KLHL26: variants seen among roughly 807,000 people sequenced by gnomAD.
The protein encoded by KLHL26 is kelch like family member 26.
In KLHL26, 4 loss-of-function variants were observed where a neutral mutation model predicts 7.1. That is an observed-to-expected ratio of 0.56 (90% CI 0.28 to 1.28). The LOEUF (loss-of-function observed/expected upper bound fraction) is 1.28. KLHL26 is among the 50% of genes most tolerant of loss of function. The pLI, the probability that KLHL26 is intolerant of heterozygous loss-of-function variation, is 0.11. For missense variants in KLHL26, 896 were observed against 924.6 expected, an observed-to-expected ratio of 0.97 and a Z score of 0.40; for synonymous variants, 465 against 414.1, an observed-to-expected ratio of 1.12 and a Z score of -1.49.
intron 1 of KLHL26, among the ~76,000 whole-genome samples, chr19:18,641,049 C>T (rs1339348667): frequency 6.6e-6 from 1 of 152,014 alleles, no homozygotes; most frequent in Admixed American, 6.6e-5. Context: ...GATGAGGTCT[C>T]ACTCTGTCGC....
chr19:18,667,629 C>T (rs1251166216), intron 2 of KLHL26, 35 bp from the exon 3 acceptor site: 2 of 1,579,826 alleles, frequency 1.3e-6, no homozygotes, highest in African/African-American at 2.7e-5. Context: ...ACCCCTCAGC[C>T]ACTGCCAGCC....
rs76550802 is a variant in KLHL26 at position 18,660,618 on chromosome 19, C to T, written c.84-3643C>T. Among the ~76,000 whole-genome samples the T allele has an allele frequency of 2.0e-5, 3 of 152,332 alleles. No homozygotes were observed. In the East Asian group the frequency reaches 5.8e-4, roughly 29 times the overall value. Reference sequence around the variant, plus strand: ...GGACCTTAGTCATCAGCCCTGGCCCCGGCCCTCCCTCCTCCGCCTGCCCAC... The same window carrying T: ...GGACCTTAGTCATCAGCCCTGGCCCTGGCCCTCCCTCCTCCGCCTGCCCAC... On this transcript the variant is annotated intron_variant, in intron 1 of 2. Coordinates refer to ENST00000300976, the MANE Select transcript of KLHL26 (RefSeq NM_018316.3).
intron 1 of KLHL26, among the ~76,000 whole-genome samples, chr19:18,638,273 C>G (rs112964075): frequency 0.012 from 1,798 of 152,276 alleles, 34 homozygotes; most frequent in African/African-American, 0.041. Flanking sequence ...AGGGAATGGC[C>G]TGATGGCCTG....
chr19:18,660,069 G>A (rs1004262208), intron 1 of KLHL26, among the ~76,000 whole-genome samples: 11 of 152,240 alleles, frequency 7.2e-5, no homozygotes, highest in African/African-American at 2.6e-4. Flanking sequence ...TGGAGATCTC[G>A]GGAATCCCAT....
At chr19:18,645,699 C>T (rs1430903277) in intron 1 of KLHL26, among the ~76,000 whole-genome samples, 1 of 151,768 alleles carries the variant, frequency 6.6e-6, no homozygotes, top group Non-Finnish European at 1.5e-5. Context: ...TTAATCCCAG[C>T]AACTCTGGAG....
At chr19:18,652,332 G>A (rs942766995) in intron 1 of KLHL26, among the ~76,000 whole-genome samples, 1 of 152,026 alleles carries the variant, frequency 6.6e-6, no homozygotes, top group South Asian at 2.1e-4. Context: ...GCTCCCGCCT[G>A]TAATCCCAGC....
At position 18,669,149 on chromosome 19, in the gene KLHL26, C is replaced by T; in HGVS notation, c.1752C>T (p.Asp584=). 5 of 1,612,908 alleles carry T rather than the reference C, an allele frequency of 3.1e-6. No homozygotes were observed. Among genetic ancestry groups the T allele is most frequent in the Non-Finnish European group, 4.2e-6 (5 of 1,179,966 alleles). Residue 584 remains aspartate (D), a synonymous_variant, in exon 3 of 3, where the codon GAC becomes GAT. Coordinates refer to ENST00000300976, the MANE Select transcript of KLHL26 (RefSeq NM_018316.3). ...VTGIVQVYNT[D]TDEWERDLHF... is the part of the protein sequence containing the mutation. Reference sequence around the variant, plus strand: ...GCATCGTACAGGTGTACAACACGGACACCGACGAGTGGGAGCGGGACCTGC... The same window carrying T: ...GCATCGTACAGGTGTACAACACGGATACCGACGAGTGGGAGCGGGACCTGC...
At chr19:18,651,765 T>C (rs1403181973) in intron 1 of KLHL26, among the ~76,000 whole-genome samples, 1 of 152,272 alleles carries the variant, frequency 6.6e-6, no homozygotes, top group East Asian at 1.9e-4. Flanking sequence ...TCAGCAGTGC[T>C]AGAATTTCAC....
Position 18,670,611 on chromosome 19 carries a change from C to T in KLHL26, c.*1366C>T, listed in dbSNP as rs1190715891. 1 of 152,326 alleles carries T rather than the reference C, an allele frequency of 6.6e-6. No individual in the cohort carries two copies. The highest frequency in any genetic ancestry group is 2.4e-5 in the African/African-American group (1 of 41,460). The allele number at this position is 152,326 out of a possible 1,614,324, so 9.4% of individuals were successfully genotyped here. A position where few individuals can be genotyped will look rare whatever the true frequency, so the allele number is the denominator to read the frequency against. On this transcript the variant is annotated 3_prime_UTR_variant, in exon 3 of 3. Transcript: ENST00000300976. ...CTCCCCCGCCTCAACCTTTTCCAGC[C>T]TTTCAGAGGAGTCGGCAGTGGGCTG...
rs1210624752 is a variant in KLHL26 at position 18,646,275 on chromosome 19, C to G, written c.83+9138C>G. 6.6e-6 allele frequency among the ~76,000 whole-genome samples: 1 copy of G among 152,140 alleles called. No homozygotes were observed. Among genetic ancestry groups the G allele is most frequent in the Non-Finnish European group, 1.5e-5 (1 of 68,030 alleles). ...TAGCTGGGACTACAGGCGCCCACTA[C>G]CATGCCTGGCTAGTTTTTGTATTTT... On this transcript the variant is annotated intron_variant, in intron 1 of 2. Coordinates refer to ENST00000300976, the MANE Select transcript of KLHL26 (RefSeq NM_018316.3). This position sits in a 1 kb window ranked among gnomAD's most constrained non-coding sequence, Gnocchi z 5.0.
At chr19:18,654,589 C>G (rs2052308974) in intron 1 of KLHL26, among the ~76,000 whole-genome samples, 1 of 151,830 alleles carries the variant, frequency 6.6e-6, no homozygotes, top group Non-Finnish European at 1.5e-5. Flanking sequence ...AGCTATCCAC[C>G]CATCCATTCA....
At chr19:18,664,549 G>T in intron 2 of KLHL26, 106 bp downstream of exon 2, 1 of 889,254 alleles carries the variant, frequency 1.1e-6, no homozygotes. Context: ...CGCTACCCAG[G>T]GACAGCTTCG....
chr19:18,637,123 C>G lies in KLHL26; in HGVS notation c.69C>G (p.Pro23=). The G allele has an allele frequency of 1.5e-6, 2 of 1,354,204 alleles. No homozygotes were observed. The highest frequency in any genetic ancestry group is 1.9e-6 in the Non-Finnish European group (2 of 1,054,778). 83.9% of individuals were successfully genotyped at this position (1,354,204 alleles called of 1,614,324 possible). A position where few individuals can be genotyped will look rare whatever the true frequency, so the allele number is the denominator to read the frequency against. ...GCGCTTTCGGCGCGGGCCCGGGCCC[C>G]GAGCGCCCGAACAGGTGAGACCCGG... ...GGGAFGAGPG[P]ERPNSTADKN... is the part of the protein sequence containing the mutation. Residue 23 remains proline (P), a synonymous_variant, in exon 1 of 3, where the codon CCC becomes CCG. Transcript: ENST00000300976.
rs1976800900 is a variant in KLHL26, at chr19:18,646,350, G to A, written c.83+9213G>A. ...TTGGCCAGGCTGGTCTCGAACTCCT[G>A]ACCTCAGGTGATCCACCTGCCTTGG... On this transcript the variant is annotated intron_variant, in intron 1 of 2. Transcript: ENST00000300976. This position sits in a 1 kb window ranked among gnomAD's most constrained non-coding sequence, Gnocchi z 5.0. Among the ~76,000 whole-genome samples the A allele has an allele frequency of 6.6e-6, 1 of 152,166 alleles. No individual in the cohort carries two copies. Among genetic ancestry groups the A allele is most frequent in the African/African-American group, 2.4e-5 (1 of 41,450 alleles).
intron 1 of KLHL26, among the ~76,000 whole-genome samples, chr19:18,657,209 C>G (rs1314699377): frequency 6.6e-6 from 1 of 151,796 alleles, no homozygotes; most frequent in East Asian, 1.9e-4. Context: ...ATCTCTGTCT[C>G]CCTGTCCCTG....
At chr19:18,647,985 C>T (rs752985168) in intron 1 of KLHL26, among the ~76,000 whole-genome samples, 1 of 152,170 alleles carries the variant, frequency 6.6e-6, no homozygotes, top group Non-Finnish European at 1.5e-5. Context: ...AGTTAGAGAA[C>T]GTCGTGCGGT....
In KLHL26 at chr19:18,664,413, T is replaced by G; in HGVS notation, c.236T>G (p.Val79Gly). 1 of 1,596,138 alleles carries G rather than the reference T, an allele frequency of 6.3e-7. No individual in the cohort carries two copies. The highest frequency in any genetic ancestry group is 8.5e-7 in the Non-Finnish European group (1 of 1,171,578). ...AGAGAGGCCTTTCCTGCACACAAGG[T>G]CGTCCTGGCTGCCTGCAGCGACTAC... is the stretch of plus-strand genomic sequence containing the variant. ...INREAFPAHKVVLAACSDYFR... is the reference protein window; with the variant it reads ...INREAFPAHKGVLAACSDYFR... The change falls in exon 2 of 3, where the codon GTC (valine) becomes GGC (glycine). Residue 79 changes from valine to glycine, a missense_variant. Val to Gly is a moderately radical substitution (Grantham distance 109). Coordinates refer to ENST00000300976, the MANE Select transcript of KLHL26 (RefSeq NM_018316.3).
In KLHL26 at chr19:18,649,837, C is replaced by A. The variant is rs1391876717; in HGVS notation, c.83+12700C>A. On this transcript the variant is annotated intron_variant, in intron 1 of 2. Transcript: ENST00000300976. The surrounding 1 kb of genome is among the most constrained non-coding windows in gnomAD (Gnocchi z 4.0). ...CAGGACTCGTCTCCAACGGCTGCGC[C>A]AGCAATTCCCTAGCATTCCTCCTCT... Among the ~76,000 whole-genome samples the A allele has an allele frequency of 1.3e-5, 2 of 152,220 alleles. No homozygotes were observed. Among genetic ancestry groups the A allele is most frequent in the Admixed American group, 1.3e-4 (2 of 15,284 alleles).
chr19:18,651,405 A>G (rs1018449653), intron 1 of KLHL26, among the ~76,000 whole-genome samples: 1 of 152,226 alleles, frequency 6.6e-6, no homozygotes, highest in African/African-American at 2.4e-5. Context: ...TGTCACATCC[A>G]TATTTTCAGC....
Sources: gnomAD v4.1 joint callset for allele counts (sites outside exome capture counted in the v4.1 genomes callset) on GRCh38, gnomAD v4.1.1 for gene constraint, Gnocchi (gnomAD v3.1) non-coding constraint, MANE v1.5 for transcripts, NCBI Gene and HGNC (gene_info 2026-07-23, HGNC 2026-07-21) for gene names.